Variants in EPHA3 observed in about 807,000 individuals in gnomAD.
EPHA3 encodes the protein ephrin type-A receptor 3.
In EPHA3, 42 loss-of-function variants were observed where a neutral mutation model predicts 107.1. The observed-to-expected ratio is 0.39, with a 90% CI of 0.31 to 0.51. The LOEUF (loss-of-function observed/expected upper bound fraction) is 0.51, where lower values mean the gene tolerates loss of function less well. Among genes scored for constraint, EPHA3 ranks in the 20% least tolerant of loss-of-function variants. The pLI is 0.78. For missense variants in EPHA3, 1,183 were observed against 1,211.2 expected, an observed-to-expected ratio of 0.98 and a Z score of 0.35; for synonymous variants, 461 against 424.8, an observed-to-expected ratio of 1.09 and a Z score of -1.05.
intron 5 of EPHA3, among the ~76,000 whole-genome samples, chr3:89,352,902 CAAAAA>C (rs1215369952): frequency 1.5e-4 from 6 of 41,026 alleles, no homozygotes; most frequent in African/African-American, 3.9e-4. Flanking sequence ...GACTCTGTCT[CAAAAA>C]AAAAAAAAAA....
intron 2 of EPHA3, among the ~76,000 whole-genome samples, chr3:89,189,693 T>C (rs1559592363): frequency 6.6e-6 from 1 of 152,256 alleles, no homozygotes. Context: ...CTTTGAGTTC[T>C]GTATTGCTCC....
chr3:89,108,248 T>C (rs1173417975), intron 1 of EPHA3, among the ~76,000 whole-genome samples: 1 of 152,122 alleles, frequency 6.6e-6, no homozygotes, highest in Admixed American at 6.5e-5. Flanking sequence ...CTCTTTAGTA[T>C]GTTTAAAGGT....
At chr3:89,354,278 G>T (rs1707898328) in intron 5 of EPHA3, among the ~76,000 whole-genome samples, 1 of 151,064 alleles carries the variant, frequency 6.6e-6, no homozygotes, top group Non-Finnish European at 1.5e-5. Flanking sequence ...TTTAATAAAT[G>T]CAAGTATTTA....
intron 3 of EPHA3, among the ~76,000 whole-genome samples, chr3:89,214,276 G>T (rs1704174244): frequency 6.6e-6 from 1 of 151,962 alleles, no homozygotes; most frequent in Non-Finnish European, 1.5e-5. Context: ...CCACAAAAGG[G>T]ATGGGCTTCA....
intron 3 of EPHA3, among the ~76,000 whole-genome samples, chr3:89,256,703 C>G (rs1015735311): frequency 6.6e-6 from 1 of 152,130 alleles, no homozygotes; most frequent in African/African-American, 2.4e-5. Context: ...ATTTCAAGCC[C>G]AGAGTCTTGC....
At chr3:89,183,856 G>A (rs997233472) in intron 2 of EPHA3, among the ~76,000 whole-genome samples, 3 of 151,828 alleles carry the variant, frequency 2.0e-5, no homozygotes, top group African/African-American at 7.3e-5. Context: ...AAACTCTAGG[G>A]TTGAAACTAC....
At chr3:89,189,420 C>T (rs1178301293) in intron 2 of EPHA3, among the ~76,000 whole-genome samples, 1 of 151,810 alleles carries the variant, frequency 6.6e-6, no homozygotes, top group Non-Finnish European at 1.5e-5. Flanking sequence ...GGGTGAAACC[C>T]CATCTCTACT....
At chr3:89,357,269 G>A (rs996896303) in intron 5 of EPHA3, among the ~76,000 whole-genome samples, 3 of 150,492 alleles carry the variant, frequency 2.0e-5, no homozygotes, top group African/African-American at 7.3e-5. Context: ...CCAAGGCCCA[G>A]GTTGTGACAG....
intron 3 of EPHA3, among the ~76,000 whole-genome samples, chr3:89,337,427 A>G (rs1181610626): frequency 6.6e-6 from 1 of 152,220 alleles, no homozygotes; most frequent in Non-Finnish European, 1.5e-5. Context: ...TGATACCTAC[A>G]CCGATAATTT....
intron 2 of EPHA3, among the ~76,000 whole-genome samples, chr3:89,192,489 G>A (rs1705743646): frequency 1.3e-5 from 2 of 151,810 alleles, no homozygotes. Context: ...AATATTTTAT[G>A]TACCAAAATA....
intron 3 of EPHA3, among the ~76,000 whole-genome samples, chr3:89,316,881 C>A (rs1706920427): frequency 6.6e-6 from 1 of 151,476 alleles, no homozygotes. Context: ...ATGGTCATTT[C>A]AATGTTCACA....
At chr3:89,442,505 G>A (rs931294061) in intron 13 of EPHA3, among the ~76,000 whole-genome samples, 22 of 152,236 alleles carry the variant, frequency 1.4e-4, no homozygotes, top group Admixed American at 2.6e-4. Flanking sequence ...TGTCACAACT[G>A]GGGAGATGCT....
At chr3:89,295,667 CTG>C (rs1706331303) in intron 3 of EPHA3, among the ~76,000 whole-genome samples, 1 of 152,158 alleles carries the variant, frequency 6.6e-6, no homozygotes, top group Non-Finnish European at 1.5e-5. Flanking sequence ...TCTCAGCTCG[CTG>C]CAACCTCTGC....
chr3:89,174,152 C>A (rs533029320), intron 2 of EPHA3, among the ~76,000 whole-genome samples: 7 of 152,064 alleles, frequency 4.6e-5, no homozygotes, highest in Non-Finnish European at 1.0e-4. Context: ...AATTGTGAAT[C>A]TTAGGGACTC....
At chr3:89,394,094 A>G (rs1399017872) in intron 5 of EPHA3, among the ~76,000 whole-genome samples, 1 of 152,210 alleles carries the variant, frequency 6.6e-6, no homozygotes, top group Non-Finnish European at 1.5e-5. Flanking sequence ...CAGAAAAGCA[A>G]CACCTACATT....
intron 3 of EPHA3, among the ~76,000 whole-genome samples, chr3:89,265,537 G>A (rs750757951): frequency 6.6e-6 from 1 of 151,922 alleles, no homozygotes; most frequent in Non-Finnish European, 1.5e-5. Flanking sequence ...ATGTGATATG[G>A]CTTTTATTAT....
At chr3:89,184,418 T>C (rs1259731985) in intron 2 of EPHA3, among the ~76,000 whole-genome samples, 1 of 152,044 alleles carries the variant, frequency 6.6e-6, no homozygotes, top group Non-Finnish European at 1.5e-5. Flanking sequence ...GGCTGGTTGT[T>C]TACATTGGCA....
At chr3:89,276,725 T>C (rs1456254974) in intron 3 of EPHA3, among the ~76,000 whole-genome samples, 2 of 152,070 alleles carry the variant, frequency 1.3e-5, no homozygotes, top group East Asian at 3.9e-4. Flanking sequence ...ATTATTCTAA[T>C]CCGAATAGCC....
chr3:89,392,259 C>A (rs1208047516), intron 5 of EPHA3, among the ~76,000 whole-genome samples: 1 of 151,884 alleles, frequency 6.6e-6, no homozygotes, highest in Non-Finnish European at 1.5e-5. Flanking sequence ...TGCCAACATG[C>A]GAAACCCTGT....
Sources: gnomAD v4.1 joint callset for allele counts (sites outside exome capture counted in the v4.1 genomes callset) on GRCh38, gnomAD v4.1.1 for gene constraint, MANE v1.5 for transcripts, NCBI Gene and HGNC (gene_info 2026-07-23, HGNC 2026-07-21) for gene names.